PATJ: variants seen among roughly 807,000 people sequenced by gnomAD.
PATJ encodes PATJ crumbs cell polarity complex component.
PATJ carries 190 observed loss-of-function variants against 224.9 expected under a neutral mutation model. That is an observed-to-expected ratio of 0.84 (90% confidence interval 0.75 to 0.95). PATJ has a LOEUF of 0.95. Among genes scored for constraint, PATJ ranks in the 40% least tolerant of loss-of-function variants. The probability of loss-of-function intolerance (pLI) is 0.00; values close to 1 mark genes in which losing one functional copy is unlikely to be tolerated. For synonymous variants in PATJ, 769 were observed against 820.3 expected (o/e 0.94, Z 1.07); for missense variants, 2,121 against 2,270.3 (o/e 0.93, Z 1.34).
chr1:62,105,975 C>G lies in PATJ; in HGVS notation c.4378-2462C>G, dbSNP rs560576535. Among the ~76,000 whole-genome samples the G allele has an allele frequency of 4.2e-5, 6 of 141,508 alleles. No homozygotes were observed. The East Asian group carries it at 1.2e-3, about 28-fold the overall frequency. The allele number at this position is 141,508 out of a possible 152,430, so 92.8% of individuals were successfully genotyped here. On this transcript the variant is annotated intron_variant, in intron 33 of 43. Transcript: ENST00000642238. Reference sequence around the variant, plus strand: ...GGTGCTATGGGACATGCCTGTAGTCCCAGCTCCCAGGATGAGGCAGGAGAA... The same window carrying G: ...GGTGCTATGGGACATGCCTGTAGTCGCAGCTCCCAGGATGAGGCAGGAGAA...
intron 28 of PATJ, among the ~76,000 whole-genome samples, chr1:62,001,664 C>A (rs547124172): frequency 2.6e-5 from 4 of 151,804 alleles, no homozygotes; most frequent in African/African-American, 9.7e-5. Flanking sequence ...CTTGGCAATG[C>A]GGGCTCTTTT....
chr1:61,744,017 T>TTAA (rs1644894559), intron 1 of PATJ, among the ~76,000 whole-genome samples: 1 of 152,100 alleles, frequency 6.6e-6, no homozygotes, highest in Non-Finnish European at 1.5e-5. Context: ...GCAGGTGTTA[T>TTAA]GGAGAGCATC....
chr1:62,128,181 G>T (rs755549464), intron 40 of PATJ, 87 bp downstream of exon 40: 17 of 1,520,110 alleles, frequency 1.1e-5, no homozygotes, highest in Admixed American at 1.8e-5. Context: ...TTTAAAGTTG[G>T]AATTCCAGTA....
At chr1:61,939,317 T>TCACACACACACACACA (rs60430174) in intron 27 of PATJ, among the ~76,000 whole-genome samples, 1 of 142,482 alleles carries the variant, frequency 7.0e-6, no homozygotes, top group African/African-American at 2.7e-5. Context: ...AACTTTGCAT[T>TCACACACACACACACA]CACACACACA....
chr1:62,111,893 C>A (rs1663866451), intron 34 of PATJ, among the ~76,000 whole-genome samples: 2 of 151,872 alleles, frequency 1.3e-5, no homozygotes, highest in South Asian at 4.2e-4. Flanking sequence ...AACTCCTGAC[C>A]TCGTGATCTG....
chr1:62,084,610 C>G lies in PATJ; in HGVS notation c.4339C>G (p.Leu1447Val). The change falls in exon 33 of 44, where the codon CTT becomes GTT. Residue 1447 changes from leucine (L) to valine (V), a missense_variant. By Grantham distance (32) the Leu-to-Val change is conservative (BLOSUM62 1). Coordinates refer to ENST00000642238, the MANE Select transcript of PATJ (RefSeq NM_001350145.3). Reference protein sequence around the residue: ...IIEISKGRSGLGLSIVGGKDT... With the variant: ...IIEISKGRSGVGLSIVGGKDT... The stretch of plus-strand genomic sequence containing the variant: ...AGAAATATCCAAGGGACGTTCAGGG[C>G]TTGGTCTCAGCATTGTGGGAGGAAA... The G allele has an allele frequency of 6.2e-7, 1 of 1,613,232 alleles. No individual in the cohort carries two copies. The highest frequency in any genetic ancestry group is 2.2e-5 in the East Asian group (1 of 44,874).
At chr1:62,099,423 C>T (rs1325983302) in intron 33 of PATJ, among the ~76,000 whole-genome samples, 1 of 124,428 alleles carries the variant, frequency 8.0e-6, no homozygotes, top group Non-Finnish European at 1.6e-5. Flanking sequence ...TCCCCTAATG[C>T]AGGGTAATAA....
chr1:62,020,056 G>A (rs2148399464), intron 29 of PATJ, among the ~76,000 whole-genome samples: 1 of 152,168 alleles, frequency 6.6e-6, no homozygotes, highest in Middle Eastern at 3.4e-3. Context: ...TGTAGTCCCA[G>A]CTACTCGGGA....
At chr1:61,942,436 G>A (rs1289554659) in intron 27 of PATJ, among the ~76,000 whole-genome samples, 2 of 151,990 alleles carry the variant, frequency 1.3e-5, no homozygotes, top group African/African-American at 2.4e-5. Flanking sequence ...TAAAATCACT[G>A]CACATTCACT....
At chr1:62,095,225 GA>G (rs1661260449) in intron 33 of PATJ, among the ~76,000 whole-genome samples, 1 of 152,078 alleles carries the variant, frequency 6.6e-6, no homozygotes, top group Non-Finnish European at 1.5e-5. Flanking sequence ...GTTAAAATAA[GA>G]AAAAAATTAT....
chr1:61,933,539 C>CAA (rs796818712), intron 27 of PATJ, among the ~76,000 whole-genome samples: 47 of 71,846 alleles, frequency 6.5e-4, no homozygotes, highest in African/African-American at 1.8e-3. Flanking sequence ...GACTCCATCT[C>CAA]AAAAAAAAAA....
chr1:62,093,274 G>A (rs1431841882), intron 33 of PATJ, among the ~76,000 whole-genome samples: 2 of 152,132 alleles, frequency 1.3e-5, no homozygotes, highest in African/African-American at 2.4e-5. Context: ...ACCATATGTT[G>A]TTCTGAAGTG....
chr1:61,883,583 C>T (rs1032069557), intron 21 of PATJ, among the ~76,000 whole-genome samples: 1 of 151,886 alleles, frequency 6.6e-6, no homozygotes, highest in Non-Finnish European at 1.5e-5. Context: ...AACCCTGTCT[C>T]TACTAAAAAT....
intron 26 of PATJ, among the ~76,000 whole-genome samples, chr1:61,923,837 G>A (rs1011530573): frequency 1.3e-5 from 2 of 149,966 alleles, no homozygotes; most frequent in Non-Finnish European, 3.0e-5. Context: ...AAGGAGACTC[G>A]CATGAACCCA....
intron 20 of PATJ, among the ~76,000 whole-genome samples, chr1:61,866,753 C>G (rs758059935): frequency 6.6e-6 from 1 of 151,902 alleles, no homozygotes; most frequent in Admixed American, 6.6e-5. Flanking sequence ...AAAATTTGAG[C>G]GAATCCATAG....
chr1:62,013,862 T>C (rs114658853), intron 28 of PATJ, among the ~76,000 whole-genome samples: 3,474 of 152,002 alleles, frequency 0.023, 150 homozygotes, highest in African/African-American at 0.079. Flanking sequence ...CAGCCTCTGT[T>C]TCCCAGGTTC....
intron 13 of PATJ, among the ~76,000 whole-genome samples, chr1:61,806,394 C>T (rs1412696243): frequency 2.6e-5 from 4 of 151,712 alleles, no homozygotes; most frequent in Non-Finnish European, 4.4e-5. Flanking sequence ...CCGAGGCGGG[C>T]GGATCACGAG....
intron 27 of PATJ, among the ~76,000 whole-genome samples, chr1:61,960,148 A>G (rs1681063680): frequency 6.6e-6 from 1 of 152,216 alleles, no homozygotes; most frequent in Admixed American, 6.5e-5. Flanking sequence ...GGTTAAGAGC[A>G]TGGGATTTGG....
intron 25 of PATJ, among the ~76,000 whole-genome samples, chr1:61,912,639 A>T (rs1263539709): frequency 7.4e-6 from 1 of 134,716 alleles, no homozygotes; most frequent in Non-Finnish European, 1.6e-5. Context: ...AAAGATAAGA[A>T]AGAGAGAGAG....
Sources: gnomAD v4.1 joint callset for allele counts (sites outside exome capture counted in the v4.1 genomes callset) on GRCh38, gnomAD v4.1.1 for gene constraint, MANE v1.5 for transcripts, NCBI Gene and HGNC (gene_info 2026-07-23, HGNC 2026-07-21) for gene names.